IL1RAPL2: variants seen among roughly 807,000 people sequenced by gnomAD.
IL1RAPL2 encodes interleukin 1 receptor accessory protein like 2, also known as X-linked interleukin-1 receptor accessory protein-like 2.
Under a neutral mutation model 44.1 loss-of-function variants are expected in IL1RAPL2, and 3 were observed. The observed-to-expected ratio is 0.07, with a 90% CI of 0.03 to 0.18. The LOEUF (loss-of-function observed/expected upper bound fraction) is 0.18. Ranked by LOEUF, IL1RAPL2 falls within the 10% of genes least tolerant of loss-of-function variation. The probability of loss-of-function intolerance (pLI) is 1.00; values close to 1 mark genes in which losing one functional copy is unlikely to be tolerated. For synonymous variants in IL1RAPL2, 181 were observed against 178.8 expected, an observed-to-expected ratio of 1.01 and a Z score of -0.10; for missense variants, 391 against 496.4, an observed-to-expected ratio of 0.79 and a Z score of 2.02.
chrX:105,534,769 A>G (rs1031510406), intron 6 of IL1RAPL2, among the ~76,000 whole-genome samples: 1 of 112,232 alleles, frequency 8.9e-6, no homozygotes, highest in Non-Finnish European at 1.9e-5. Flanking sequence ...TATTTTTCAC[A>G]TATGGCCTTG....
rs753149693 is a variant in IL1RAPL2 at position 104,961,844 on chromosome X, G to A, written c.83-233631G>A. 6.2e-5 allele frequency among the ~76,000 whole-genome samples: 7 copies of A among 112,042 alleles called. No individual in the cohort carries two copies. The South Asian group carries it at 2.6e-3, about 42-fold the overall frequency. ...TCAAAAAAGTATTTGTTAGATGAATGAATGAATGAATGAGTGAATGAATTC... is the reference window on the plus strand; with the variant it reads ...TCAAAAAAGTATTTGTTAGATGAATAAATGAATGAATGAGTGAATGAATTC... On this transcript the variant is annotated intron_variant, in intron 2 of 10. Coordinates refer to ENST00000372582, the MANE Select transcript of IL1RAPL2 (RefSeq NM_017416.2).
chrX:105,115,731 G>T (rs1185786854), intron 2 of IL1RAPL2, among the ~76,000 whole-genome samples: 2 of 113,147 alleles, frequency 1.8e-5, no homozygotes, highest in East Asian at 5.6e-4. Flanking sequence ...CCGCCTGCCA[G>T]TTATGCGCCT....
intron 6 of IL1RAPL2, among the ~76,000 whole-genome samples, chrX:105,647,829 G>A (rs144740105): frequency 0.025 from 2,748 of 111,779 alleles, 49 homozygotes; most frequent in Non-Finnish European, 0.035. Flanking sequence ...TTCCCTCACG[G>A]GTTCTTTAGC....
chrX:104,692,346 TTA>T (rs766955423), intron 2 of IL1RAPL2, among the ~76,000 whole-genome samples: 104 of 109,070 alleles, frequency 9.5e-4, no homozygotes, highest in Admixed American at 2.4e-3. Context: ...TGTAAGAGGA[TTA>T]TATATATATA....
chrX:104,903,109 T>C (rs1454157962), intron 2 of IL1RAPL2, among the ~76,000 whole-genome samples: 1 of 111,936 alleles, frequency 8.9e-6, no homozygotes, highest in Non-Finnish European at 1.9e-5. Context: ...TGATATTCAA[T>C]ACAATAGCCA....
rs773046834 is a variant in IL1RAPL2 at position 105,282,044 on chromosome X, G to A, written c.697+14503G>A. On this transcript the variant is annotated intron_variant, in intron 5 of 10. Coordinates refer to ENST00000372582, the MANE Select transcript of IL1RAPL2 (RefSeq NM_017416.2). ...AAAAAGCAAAGAGCCATATAAATAG[G>A]TATTAATATTTCAGGCAGAAATATT... 2.7e-5 allele frequency among the ~76,000 whole-genome samples: 3 copies of A among 111,721 alleles called. No individual in the cohort carries two copies. In the South Asian group the frequency reaches 1.1e-3, roughly 41 times the overall value.
At chrX:105,605,782 A>G (rs1210495583) in intron 6 of IL1RAPL2, among the ~76,000 whole-genome samples, 6 of 108,512 alleles carry the variant, frequency 5.5e-5, no homozygotes, top group Admixed American at 1.0e-4. Flanking sequence ...TGGAGAACTT[A>G]GAAGCAAATC....
At chrX:105,073,045 CTT>C (rs752588999) in intron 2 of IL1RAPL2, among the ~76,000 whole-genome samples, 1 of 96,572 alleles carries the variant, frequency 1.0e-5, no homozygotes. Context: ...CTTTTTTTTT[CTT>C]TTTTTTATTA....
chrX:104,741,507 TTAAC>T (rs1193073272), intron 2 of IL1RAPL2, among the ~76,000 whole-genome samples: 1 of 111,012 alleles, frequency 9.0e-6, no homozygotes, highest in Non-Finnish European at 1.9e-5. Context: ...GGTTAACAAT[TTAAC>T]TATTTTATCT....
chrX:105,489,334 AT>A (rs1231342320), intron 6 of IL1RAPL2, among the ~76,000 whole-genome samples: 1 of 111,713 alleles, frequency 9.0e-6, no homozygotes, highest in Admixed American at 9.5e-5. Flanking sequence ...ATTTTCAATA[AT>A]TTTTTCTAAG....
At chrX:105,208,125 A>C (rs1035996588) in intron 3 of IL1RAPL2, among the ~76,000 whole-genome samples, 2 of 111,359 alleles carry the variant, frequency 1.8e-5, no homozygotes, top group Non-Finnish European at 3.8e-5. Flanking sequence ...ATTTGGTCGG[A>C]ACCTGGATTT....
At chrX:104,836,894 C>G (rs1217606593) in intron 2 of IL1RAPL2, among the ~76,000 whole-genome samples, 1 of 110,131 alleles carries the variant, frequency 9.1e-6, no homozygotes, top group African/African-American at 3.3e-5. Context: ...CCTCTTACCC[C>G]CTATCCCTAA....
At chrX:104,915,231 T>A (rs1045070655) in intron 2 of IL1RAPL2, among the ~76,000 whole-genome samples, 2 of 110,903 alleles carry the variant, frequency 1.8e-5, no homozygotes, top group Admixed American at 9.6e-5. Context: ...GCACCTGTTG[T>A]TTCCTGACTT....
chrX:105,316,502 A>G (rs2034842810), intron 5 of IL1RAPL2, among the ~76,000 whole-genome samples: 1 of 111,701 alleles, frequency 9.0e-6, no homozygotes, highest in Non-Finnish European at 1.9e-5. Context: ...GCAGAGAAAG[A>G]GCAGGGTCAG....
At chrX:104,899,044 A>C (rs1023213269) in intron 2 of IL1RAPL2, among the ~76,000 whole-genome samples, 1 of 112,099 alleles carries the variant, frequency 8.9e-6, no homozygotes, top group Non-Finnish European at 1.9e-5. Flanking sequence ...TGCTATTCCA[A>C]TTGCTTGTCA....
intron 5 of IL1RAPL2, among the ~76,000 whole-genome samples, chrX:105,412,411 G>T (rs368748295): frequency 3.7e-5 from 4 of 108,192 alleles, no homozygotes; most frequent in South Asian, 8.3e-4. Context: ...TGGACCTGGG[G>T]GACACTATGT....
At chrX:104,777,541 A>T (rs1602722904) in intron 2 of IL1RAPL2, among the ~76,000 whole-genome samples, 1 of 85,317 alleles carries the variant, frequency 1.2e-5, no homozygotes, top group Non-Finnish European at 2.2e-5. Flanking sequence ...CTCTGCTTTC[A>T]ATTATTATTA....
intron 10 of IL1RAPL2, among the ~76,000 whole-genome samples, chrX:105,761,220 T>TACACAC (rs113089380): frequency 0.011 from 920 of 84,111 alleles, 17 homozygotes; most frequent in Middle Eastern, 0.013. Flanking sequence ...ACTCTTCCTA[T>TACACAC]ACACACACAC....
chrX:105,324,114 G>A (rs1364941322), intron 5 of IL1RAPL2, among the ~76,000 whole-genome samples: 7 of 111,360 alleles, frequency 6.3e-5, no homozygotes, highest in African/African-American at 2.3e-4. Flanking sequence ...GGTATGAGCA[G>A]TGTGGTCAGA....
Sources: allele counts gnomAD v4.1 joint callset (sites outside exome capture counted in the v4.1 genomes callset), GRCh38; gene constraint gnomAD v4.1.1; transcripts MANE v1.5; gene names NCBI Gene and HGNC (gene_info 2026-07-23, HGNC 2026-07-21).